The following DIAPH3 variants were observed in gnomAD, a reference collection of about 807,000 sequenced individuals.
The protein encoded by DIAPH3 is diaphanous related formin 3.
Under a neutral mutation model 144.3 loss-of-function variants are expected in DIAPH3, and 117 were observed. The observed-to-expected ratio is 0.81, with a 90% CI of 0.70 to 0.95. The LOEUF (loss-of-function observed/expected upper bound fraction) is 0.95, where lower values mean the gene tolerates loss of function less well. DIAPH3 is among the 40% of genes least tolerant of loss of function. The probability of loss-of-function intolerance (pLI) is 0.00; values close to 1 mark genes in which losing one functional copy is unlikely to be tolerated. For synonymous variants in DIAPH3, 519 were observed against 488.9 expected (o/e 1.06, Z -0.81); for missense variants, 1,421 against 1,412.7 (o/e 1.01, Z -0.09).
rs752539574 is a variant in DIAPH3 at position 59,983,824 on chromosome 13, C to T, written c.1425G>A (p.Met475Ile). 8.1e-6 allele frequency: 13 copies of T among 1,610,146 alleles called. No individual in the cohort carries two copies. The East Asian group carries it at 1.8e-4, about 22-fold the overall frequency. The change falls in exon 13 of 28, where the codon ATG becomes ATA. Residue 475 changes from methionine to isoleucine, a missense_variant. Met to Ile is a conservative substitution (Grantham distance 10, BLOSUM62 1). Transcript: ENST00000400324. ...VSQIVLHRDGMDPDFTYRKRL... is the reference protein window; with the variant it reads ...VSQIVLHRDGIDPDFTYRKRL... Reference sequence around the variant, plus strand: ...TTTTTCGATATGTGAAGTCTGGATCCATTCCATCTCTATGCAATACAATCT... The same window carrying T: ...TTTTTCGATATGTGAAGTCTGGATCTATTCCATCTCTATGCAATACAATCT...
intron 20 of DIAPH3, 43 bp from the exon 21 acceptor site, chr13:59,879,511 T>C: frequency 6.2e-7 from 1 of 1,611,776 alleles, no homozygotes; most frequent in Non-Finnish European, 8.5e-7. Flanking sequence ...AAATGCATGG[T>C]ATAGTTTAGT....
chr13:60,064,324 T>C (rs914081282), intron 4 of DIAPH3, among the ~76,000 whole-genome samples: 1 of 152,222 alleles, frequency 6.6e-6, no homozygotes, highest in Admixed American at 6.5e-5. Flanking sequence ...TTTTCAAATA[T>C]AAGGCTTTTT....
chr13:59,771,720 G>A (rs947568030), intron 27 of DIAPH3, among the ~76,000 whole-genome samples: 2 of 152,042 alleles, frequency 1.3e-5, no homozygotes, highest in East Asian at 3.9e-4. Flanking sequence ...ATTTGACTAC[G>A]TGCCCTTAAA....
intron 15 of DIAPH3, among the ~76,000 whole-genome samples, chr13:59,972,847 T>C (rs570213719): frequency 6.6e-6 from 1 of 152,076 alleles, no homozygotes; most frequent in East Asian, 1.9e-4. Context: ...AACTACCTGG[T>C]TGTGAAGAGA....
chr13:59,973,738 T>C (rs1218937311), intron 15 of DIAPH3, among the ~76,000 whole-genome samples: 2 of 152,156 alleles, frequency 1.3e-5, no homozygotes, highest in Non-Finnish European at 2.9e-5. Context: ...TACGTAAATC[T>C]ACATGAAGAA....
chr13:59,949,361 AG>A (rs2140429821), intron 17 of DIAPH3, among the ~76,000 whole-genome samples: 1 of 152,252 alleles, frequency 6.6e-6, no homozygotes, highest in South Asian at 2.1e-4. Flanking sequence ...TATCTGGGAG[AG>A]GGGAATCAAG....
intron 27 of DIAPH3, among the ~76,000 whole-genome samples, chr13:59,692,670 A>T (rs1034333247): frequency 6.6e-6 from 1 of 152,088 alleles, no homozygotes; most frequent in African/African-American, 2.4e-5. Flanking sequence ...CTCTTTTGCC[A>T]TGCAGAAATC....
chr13:60,145,302 T>G (rs542274696), intron 1 of DIAPH3, among the ~76,000 whole-genome samples: 187 of 152,304 alleles, frequency 1.2e-3, no homozygotes, highest in Non-Finnish European at 2.2e-3. Context: ...ACAAGAAAGA[T>G]GAGCATAATT....
intron 4 of DIAPH3, among the ~76,000 whole-genome samples, chr13:60,070,956 CATT>C (rs1454424492): frequency 4.6e-5 from 7 of 152,084 alleles, no homozygotes; most frequent in African/African-American, 1.7e-4. Context: ...GTATAATTGA[CATT>C]ATTATTTAAA....
At chr13:59,846,575 T>C (rs2042644183) in intron 22 of DIAPH3, among the ~76,000 whole-genome samples, 1 of 152,050 alleles carries the variant, frequency 6.6e-6, no homozygotes, top group African/African-American at 2.4e-5. Flanking sequence ...AATAATAAAA[T>C]TGTATGGACA....
intron 23 of DIAPH3, among the ~76,000 whole-genome samples, chr13:59,833,712 G>T (rs1278967566): frequency 3.3e-5 from 5 of 151,672 alleles, no homozygotes; most frequent in Non-Finnish European, 7.4e-5. Flanking sequence ...CTTGGTAATA[G>T]TGTGCCTGTG....
intron 24 of DIAPH3, among the ~76,000 whole-genome samples, chr13:59,812,896 G>A (rs573875099): frequency 2.6e-5 from 4 of 152,138 alleles, no homozygotes; most frequent in South Asian, 2.1e-4. Flanking sequence ...CCTTTGTTTC[G>A]AACTATCTTT....
chr13:59,993,596 C>G (rs9528050), intron 9 of DIAPH3, among the ~76,000 whole-genome samples: 8 of 147,134 alleles, frequency 5.4e-5, no homozygotes, highest in African/African-American at 1.8e-4. Context: ...TATTTGATAT[C>G]TAAGCATTAA....
At chr13:59,957,346 A>C (rs1410427701) in intron 17 of DIAPH3, among the ~76,000 whole-genome samples, 6 of 152,180 alleles carry the variant, frequency 3.9e-5, no homozygotes, top group African/African-American at 1.4e-4. Context: ...CTGTTCTCAT[A>C]ATAGTGAATA....
chr13:60,013,749 CT>C (rs2053440991), intron 7 of DIAPH3, among the ~76,000 whole-genome samples: 2 of 151,994 alleles, frequency 1.3e-5, no homozygotes, highest in Non-Finnish European at 2.9e-5. Context: ...CTAATAAAGA[CT>C]GTATAAGTGA....
At chr13:60,044,681 A>G (rs2141210954) in intron 4 of DIAPH3, among the ~76,000 whole-genome samples, 1 of 152,312 alleles carries the variant, frequency 6.6e-6, no homozygotes, top group Admixed American at 6.5e-5. Flanking sequence ...CATTTTTCTC[A>G]TATATAGAGA....
chr13:60,108,226 T>A (rs892722427), intron 3 of DIAPH3, among the ~76,000 whole-genome samples: 1 of 152,174 alleles, frequency 6.6e-6, no homozygotes, highest in African/African-American at 2.4e-5. Flanking sequence ...AATAGACTCA[T>A]AAGCAGTTTT....
intron 21 of DIAPH3, among the ~76,000 whole-genome samples, chr13:59,875,840 G>A (rs1049638440): frequency 1.1e-4 from 17 of 151,814 alleles, no homozygotes; most frequent in African/African-American, 4.1e-4. Context: ...CTTTTCTCTC[G>A]AATCCAGAGA....
At position 59,767,909 on chromosome 13, in the gene DIAPH3, T is replaced by TGTTTGATAATGACTATGCCAAA. The variant is rs547986232; in HGVS notation, c.3319+6258_3319+6279dup. On this transcript the variant is annotated intron_variant, in intron 27 of 27. Coordinates refer to ENST00000400324, the MANE Select transcript of DIAPH3 (RefSeq NM_001042517.2). Reference sequence around the variant, plus strand: ...TCTAACCTGTTCATGCTTAAGAGTCTGTTTGATAATGACTATGCCAAAAGG... The same window carrying TGTTTGATAATGACTATGCCAAA: ...TCTAACCTGTTCATGCTTAAGAGTCTGTTTGATAATGACTATGCCAAAGTTTGATAATGACTATGCCAAAAGG... Among the ~76,000 whole-genome samples, 164 of 152,306 alleles carry TGTTTGATAATGACTATGCCAAA rather than the reference T, an allele frequency of 1.1e-3. 6 individuals carry two copies. In the East Asian group the frequency reaches 0.032, roughly 29 times the overall value.
Sources: allele counts gnomAD v4.1 joint callset (sites outside exome capture counted in the v4.1 genomes callset), GRCh38; gene constraint gnomAD v4.1.1; transcripts MANE v1.5; gene names NCBI Gene and HGNC (gene_info 2026-07-23, HGNC 2026-07-21).